CCDC171: variants seen among roughly 807,000 people sequenced by gnomAD.
The protein encoded by CCDC171 is coiled-coil domain-containing protein 171.
In CCDC171, 177 loss-of-function variants were observed where a neutral mutation model predicts 168.2. The ratio of observed to expected loss-of-function variants is 1.05; its 90% CI spans 0.93 to 1.19. The LOEUF is 1.19. Ranked by LOEUF, CCDC171 falls within the 50% of genes most tolerant of loss-of-function variation. The pLI is 0.00. For missense variants in CCDC171, 1,991 were observed against 1,539.0 expected, an observed-to-expected ratio of 1.29 and a Z score of -4.91; for synonymous variants, 687 against 540.8, an observed-to-expected ratio of 1.27 and a Z score of -3.75.
chr9:15,731,098 T>C (rs2054124042), intron 16 of CCDC171, among the ~76,000 whole-genome samples: 1 of 152,112 alleles, frequency 6.6e-6, no homozygotes, highest in East Asian at 1.9e-4. Context: ...CTTCTTGCTA[T>C]TGTGAAATAC....
intron 18 of CCDC171, among the ~76,000 whole-genome samples, chr9:15,775,661 C>T (rs992853614): frequency 6.6e-6 from 1 of 152,120 alleles, no homozygotes; most frequent in African/African-American, 2.4e-5. Context: ...CTTTTAAAGG[C>T]TCTTTATCTG....
At chr9:16,056,611 C>T (rs907894211) in intron 1 of CCDC171, among the ~76,000 whole-genome samples, 1 of 152,114 alleles carries the variant, frequency 6.6e-6, no homozygotes, top group Non-Finnish European at 1.5e-5. Flanking sequence ...CTTCAGCCTC[C>T]AGAGTAGCTG....
At position 15,818,703 on chromosome 9, in the gene CCDC171, A is replaced by T. The variant is rs886894171; in HGVS notation, c.3268-27999A>T. Among the ~76,000 whole-genome samples, 5 of 118,248 alleles carry T rather than the reference A, an allele frequency of 4.2e-5. 2 individuals carry two copies. The highest frequency in any genetic ancestry group is 8.0e-5 in the Admixed American group (1 of 12,518). 77.6% of individuals were successfully genotyped at this position (118,248 alleles called of 152,430 possible). A position where few individuals can be genotyped will look rare whatever the true frequency, so the allele number is the denominator to read the frequency against. On this transcript the variant is annotated intron_variant, in intron 21 of 25. Transcript: ENST00000380701. ...AAATATGGGACTATGTGGAAAGACC[A>T]CATCTACGTCTGATTGGTGTACCTG... is the stretch of plus-strand genomic sequence containing the variant.
At chr9:15,638,529 T>A (rs953988344) in intron 7 of CCDC171, among the ~76,000 whole-genome samples, 1 of 152,074 alleles carries the variant, frequency 6.6e-6, no homozygotes, top group Non-Finnish European at 1.5e-5. Flanking sequence ...TTATTTAATA[T>A]CAGCAATATC....
intron 1 of CCDC171, among the ~76,000 whole-genome samples, chr9:15,555,790 C>T (rs773528120): frequency 5.3e-5 from 8 of 152,124 alleles, no homozygotes; most frequent in East Asian, 3.8e-4. Flanking sequence ...CCTGTTAACT[C>T]GTCATTTACA....
intron 4 of CCDC171, among the ~76,000 whole-genome samples, chr9:15,588,876 T>C (rs937665964): frequency 4.6e-5 from 7 of 151,274 alleles, no homozygotes; most frequent in Non-Finnish European, 8.8e-5. Context: ...CCCGGCTAAT[T>C]TTTTGTATTT....
intron 4 of CCDC171, among the ~76,000 whole-genome samples, chr9:15,589,422 C>G (rs1332001798): frequency 6.6e-6 from 1 of 152,102 alleles, no homozygotes; most frequent in Admixed American, 6.6e-5. Flanking sequence ...GATTGTAGAT[C>G]TTTAGATAAA....
chr9:16,011,467 C>G (rs547940772), intron 3 of CCDC171, among the ~76,000 whole-genome samples: 39 of 152,178 alleles, frequency 2.6e-4, no homozygotes, highest in African/African-American at 8.9e-4. Context: ...TCCATATAAA[C>G]TTATTATTCA....
chr9:15,991,646 T>C (rs182481950), intron 3 of CCDC171, among the ~76,000 whole-genome samples: 33 of 151,704 alleles, frequency 2.2e-4, no homozygotes, highest in African/African-American at 8.0e-4. Context: ...CAGGAGGTGG[T>C]TTTTTGAAAA....
chr9:16,018,466 A>G (rs914234587), intron 3 of CCDC171, among the ~76,000 whole-genome samples: 1 of 152,220 alleles, frequency 6.6e-6, no homozygotes, highest in Non-Finnish European at 1.5e-5. Flanking sequence ...TAATTCAAAT[A>G]TTATTATTTT....
At chr9:15,586,496 G>A (rs996069440) in intron 4 of CCDC171, among the ~76,000 whole-genome samples, 13 of 152,142 alleles carry the variant, frequency 8.5e-5, no homozygotes, top group Admixed American at 6.5e-4. Flanking sequence ...GGGGAAAACC[G>A]AAAGAGAAAT....
chr9:16,001,869 G>A (rs1478576829), intron 3 of CCDC171, among the ~76,000 whole-genome samples: 15 of 139,808 alleles, frequency 1.1e-4, no homozygotes, highest in Non-Finnish European at 6.1e-5. Flanking sequence ...ACAGTGTCTC[G>A]CTCTGTCACC....
Position 15,581,492 on chromosome 9 carries a change from A to C in CCDC171, c.352+2469A>C, listed in dbSNP as rs146313600. ...TGCCAAGACAATCCTAAGCAAAAAG[A>C]ACAAAGCTGGAGGTATCACGCTACC... On this transcript the variant is annotated intron_variant, in intron 4 of 25. Transcript: ENST00000380701. Among the ~76,000 whole-genome samples the C allele has an allele frequency of 2.6e-5, 4 of 152,332 alleles. No homozygotes were observed. The East Asian group carries it at 7.7e-4, about 29-fold the overall frequency.
chr9:15,696,057 T>G (rs1215361328), intron 11 of CCDC171, among the ~76,000 whole-genome samples: 3 of 152,252 alleles, frequency 2.0e-5, no homozygotes, highest in African/African-American at 7.2e-5. Flanking sequence ...AGTTTTCTTT[T>G]GCCCTGCTTT....
chr9:15,865,181 C>T (rs188503240), intron 23 of CCDC171, among the ~76,000 whole-genome samples: 120 of 152,076 alleles, frequency 7.9e-4, no homozygotes, highest in African/African-American at 2.7e-3. Flanking sequence ...TTGCTGACAT[C>T]TTTTTGGATT....
At chr9:15,795,177 C>T (rs1484171549) in intron 21 of CCDC171, among the ~76,000 whole-genome samples, 1 of 152,146 alleles carries the variant, frequency 6.6e-6, no homozygotes, top group African/African-American at 2.4e-5. Context: ...GGCAGAAGGG[C>T]AAGAGAGTGT....
intron 4 of CCDC171, among the ~76,000 whole-genome samples, chr9:15,589,143 A>G (rs1433128683): frequency 1.3e-5 from 2 of 152,194 alleles, no homozygotes; most frequent in Middle Eastern, 3.4e-3. Context: ...TCTAGTTTTG[A>G]GAGACTTCTT....
chr9:15,934,093 T>C (rs1826829722), intron 25 of CCDC171, among the ~76,000 whole-genome samples: 2 of 151,744 alleles, frequency 1.3e-5, no homozygotes, highest in Admixed American at 1.3e-4. Flanking sequence ...AATCTAATTT[T>C]TAAAAAATCA....
At chr9:15,908,587 A>G (rs957286986) in intron 24 of CCDC171, among the ~76,000 whole-genome samples, 4 of 152,214 alleles carry the variant, frequency 2.6e-5, no homozygotes, top group Non-Finnish European at 5.9e-5. Flanking sequence ...GCACACCTAC[A>G]TGGCACATGT....
Sources: allele counts gnomAD v4.1 joint callset (sites outside exome capture counted in the v4.1 genomes callset), GRCh38; gene constraint gnomAD v4.1.1; transcripts MANE v1.5; gene names NCBI Gene and HGNC (gene_info 2026-07-23, HGNC 2026-07-21).